JAG2: variants seen among roughly 807,000 people sequenced by gnomAD.
The protein encoded by JAG2 is protein jagged-2.
JAG2 carries 46 observed loss-of-function variants against 141.7 expected under a neutral mutation model. The observed-to-expected ratio is 0.32, with a 90% CI of 0.26 to 0.42. The LOEUF (loss-of-function observed/expected upper bound fraction) is 0.42. Ranked by LOEUF, JAG2 falls within the 10% of genes least tolerant of loss-of-function variation. JAG2 has a pLI of 1.00. For synonymous variants in JAG2, 862 were observed against 763.5 expected, an observed-to-expected ratio of 1.13 and a Z score of -2.13; for missense variants, 1,500 against 1,817.5, an observed-to-expected ratio of 0.83 and a Z score of 3.18.
Position 105,142,930 on chromosome 14 carries a change from G to A in JAG2, c.3482C>T (p.Ala1161Val), listed in dbSNP as rs778692204. 5.0e-5 allele frequency: 80 copies of A among 1,608,278 alleles called. No individual in the cohort carries two copies. Among genetic ancestry groups the A allele is most frequent in the Middle Eastern group, 3.3e-4 (2 of 6,068 alleles). The change falls in exon 26 of 26, where the codon GCG becomes GTG. Residue 1161 changes from alanine to valine, a missense_variant. This residue lies in a region of JAG2 where 425 missense variants were observed against 441.0 expected (regional missense o/e 0.96). Coordinates refer to ENST00000331782, the MANE Select transcript of JAG2 (RefSeq NM_002226.5). ...GGCCGGCCCGGGCAGCGCCTCGTCCGCCCTGCGCGGCGGCGGCGTGAAGTT... is the reference window on the plus strand; with the variant it reads ...GGCCGGCCCGGGCAGCGCCTCGTCCACCCTGCGCGGCGGCGGCGTGAAGTT... ...CKNFTPPPRRADEALPGPAGH... is the reference protein window; with the variant it reads ...CKNFTPPPRRVDEALPGPAGH...
chr14:105,143,562 G>C lies in JAG2; in HGVS notation c.3161C>G (p.Thr1054Ser). The C allele has an allele frequency of 6.2e-7, 1 of 1,601,874 alleles. No individual in the cohort carries two copies. The change falls in exon 25 of 26, where the codon ACC (threonine) becomes AGC (serine). Residue 1054 changes from threonine to serine, a missense_variant. By Grantham distance (58) the Thr-to-Ser change is moderately conservative. Transcript: ENST00000331782. ...GAGCAGTGAGCTGTTCCCCCGCTGG[G>C]TGATGGCGGCCACGATGGCGTGGGC... ...GAAHAIVAAI[T>S]QRGNSSLLLA...
rs1325666416 is a variant in JAG2 at position 105,168,391 on chromosome 14, G to A, written c.30C>T (p.Pro10=). Reference sequence around the variant, plus strand: ...GCGCCAGCAGCAGCAGCAGCCGCCGGGGAAGGCGCCCCCGGCCCTGCGCCC... The same window carrying A: ...GCGCCAGCAGCAGCAGCAGCCGCCGAGGAAGGCGCCCCCGGCCCTGCGCCC... MRAQGRGRL[P]RRLLLLLALW... The change falls in exon 1 of 26, where the codon CCC becomes CCT. Residue 10 remains proline, a synonymous_variant. Transcript: ENST00000331782. The A allele has an allele frequency of 1.9e-6, 2 of 1,025,722 alleles. No homozygotes were observed. Among genetic ancestry groups the A allele is most frequent in the South Asian group, 2.5e-5 (1 of 39,744 alleles). The allele number at this position is 1,025,722 out of a possible 1,614,324, so 63.5% of individuals were successfully genotyped here.
At chr14:105,145,131 G>A (rs1191191436) in intron 23 of JAG2, 70 bp from the exon 24 acceptor site, 38 of 1,588,240 alleles carry the variant, frequency 2.4e-5, no homozygotes, top group Non-Finnish European at 2.8e-5. Flanking sequence ...CTGGACTGGC[G>A]CTGTGGGTAC....
At position 105,149,287 on chromosome 14, in the gene JAG2, G is replaced by T. The variant is rs755170630; in HGVS notation, c.1636C>A (p.Arg546=). 1.0e-4 allele frequency: 163 copies of T among 1,612,582 alleles called. No individual in the cohort carries two copies. The highest frequency in any genetic ancestry group is 1.3e-4 in the Non-Finnish European group (157 of 1,179,984). Residue 546 remains arginine (R), a synonymous_variant, in exon 13 of 26, where the codon CGG becomes AGG. Transcript: ENST00000331782. ...AGGTTATAGCAGCGAGCGCCGTTCC[G>T]GCAGGGGCTTGGCTCACAAAGGTCG... ...DVDLCEPSPC[R]NGARCYNLEG... is the part of the protein sequence containing the mutation.
intron 2 of JAG2, among the ~76,000 whole-genome samples, chr14:105,163,286 TCTGGGCCCCAGGGCC>T (rs990193564): frequency 6.6e-6 from 1 of 152,120 alleles, no homozygotes; most frequent in Non-Finnish European, 1.5e-5. Context: ...TCCCCAGGGC[TCTGGGCCCCAGGGCC>T]GCAGCAGGAG....
At chr14:105,164,950 G>A (rs192472121) in intron 2 of JAG2, among the ~76,000 whole-genome samples, 92 of 152,278 alleles carry the variant, frequency 6.0e-4, no homozygotes, top group Non-Finnish European at 1.0e-3. Flanking sequence ...TGTATCTACA[G>A]GGCCTTCACC....
chr14:105,163,434 C>A (rs1401379935), intron 2 of JAG2, among the ~76,000 whole-genome samples: 1 of 152,168 alleles, frequency 6.6e-6, no homozygotes, highest in Non-Finnish European at 1.5e-5. Context: ...TCCCAGGTCC[C>A]CCACCGTGAA....
intron 3 of JAG2, 106 bp downstream of exon 3, chr14:105,157,600 C>A: frequency 9.0e-7 from 1 of 1,105,622 alleles, no homozygotes; most frequent in South Asian, 1.3e-5. Context: ...CACACATGAT[C>A]CTCAGGGTAA....
chr14:105,155,649 C>T (rs1888557879), intron 4 of JAG2, 27 bp from the exon 5 acceptor site: 2 of 1,612,326 alleles, frequency 1.2e-6, no homozygotes, highest in Non-Finnish European at 1.7e-6. Context: ...GCGAGAGGCA[C>T]AGCTGCAGCC....
At chr14:105,143,444 G>T (rs1595170946) in intron 25 of JAG2, 38 bp downstream of exon 25, 19 of 1,538,318 alleles carry the variant, frequency 1.2e-5, no homozygotes, top group Non-Finnish European at 1.7e-5. Context: ...TGAGTTGCCT[G>T]CCTGGTGCCT....
Position 105,151,947 on chromosome 14 carries a change from A to G in JAG2, c.1030T>C (p.Cys344Arg). ...TCPDGYSGRN[C>R]EKAEHACTSN... is the part of the protein sequence containing the mutation. ...CCAGCCCCCCACGTACCCTTCTCACAGTTCCTGCCCGAGTAGCCGTCAGGG... is the reference window on the plus strand; with the variant it reads ...CCAGCCCCCCACGTACCCTTCTCACGGTTCCTGCCCGAGTAGCCGTCAGGG... Residue 344 changes from cysteine (C) to arginine (R), a missense_variant, in exon 7 of 26, where the codon TGT becomes CGT. Coordinates refer to ENST00000331782, the MANE Select transcript of JAG2 (RefSeq NM_002226.5). 6.2e-7 allele frequency: 1 copy of G among 1,613,084 alleles called. No individual in the cohort carries two copies. Among genetic ancestry groups the G allele is most frequent in the Non-Finnish European group, 8.5e-7 (1 of 1,179,998 alleles).
chr14:105,148,058 G>A (rs917291269), intron 17 of JAG2, 58 bp downstream of exon 17: 2 of 1,404,680 alleles, frequency 1.4e-6, no homozygotes, highest in Admixed American at 2.0e-5. Flanking sequence ...GCGCCCGAGG[G>A]AGCGGTGCCT....
chr14:105,144,991 C>T lies in JAG2; in HGVS notation c.3023G>A (p.Arg1008His), dbSNP rs141025821. 458 of 1,608,964 alleles carry T rather than the reference C, an allele frequency of 2.8e-4. 1 individual carries two copies. Among genetic ancestry groups the T allele is most frequent in the Non-Finnish European group, 3.4e-4 (398 of 1,179,582 alleles). Reference protein sequence around the residue: ...LPATRAVARDRLLVLLCDRAS... With the variant: ...LPATRAVARDHLLVLLCDRAS... ...CCGGTCGCAAAGCAACACCAGCAGGCGGTCCCGTGCCACAGCCCTTGTGGC... is the reference window on the plus strand; with the variant it reads ...CCGGTCGCAAAGCAACACCAGCAGGTGGTCCCGTGCCACAGCCCTTGTGGC... Residue 1008 changes from arginine (R) to histidine (H), a missense_variant, in exon 24 of 26, where the codon CGC becomes CAC. Coordinates refer to ENST00000331782, the MANE Select transcript of JAG2 (RefSeq NM_002226.5).
At chr14:105,148,686 G>A (rs1032082909) in intron 15 of JAG2, 59 bp downstream of exon 15, 14 of 1,411,250 alleles carry the variant, frequency 9.9e-6, no homozygotes, top group African/African-American at 1.4e-5. Flanking sequence ...ATCTCAGGGT[G>A]ATAAGGGGCC....
intron 17 of JAG2, 35 bp from the exon 18 acceptor site, chr14:105,147,923 T>C (rs774668698): frequency 8.0e-6 from 12 of 1,492,510 alleles, no homozygotes; most frequent in Admixed American, 2.0e-5. Context: ...GCGTCTCACC[T>C]GGCCCTGGGC....
intron 2 of JAG2, among the ~76,000 whole-genome samples, chr14:105,165,266 T>A (rs1427345279): frequency 6.6e-6 from 1 of 151,968 alleles, no homozygotes; most frequent in African/African-American, 2.4e-5. Context: ...AGAGCAAAGC[T>A]CCCTGCTGCC....
chr14:105,147,595 C>T, intron 18 of JAG2, 68 bp from the exon 19 acceptor site: 1 of 1,528,286 alleles, frequency 6.5e-7, no homozygotes, highest in Non-Finnish European at 9.1e-7. Context: ...ACTGTCCAGG[C>T]TGGCTTGGCG....
intron 3 of JAG2, among the ~76,000 whole-genome samples, chr14:105,156,801 C>T (rs1181781383): frequency 1.3e-5 from 2 of 152,154 alleles, no homozygotes; most frequent in Non-Finnish European, 2.9e-5. Flanking sequence ...TTGTCAAGAG[C>T]CCTGACGACC....
In JAG2 at chr14:105,151,350, A is replaced by G. The variant is rs2140979904; in HGVS notation, c.1200T>C (p.Cys400=). 6.2e-7 allele frequency: 1 copy of G among 1,612,442 alleles called. No individual in the cohort carries two copies. The highest frequency in any genetic ancestry group is 1.3e-5 in the African/African-American group (1 of 75,002). The change falls in exon 9 of 26, where the codon TGT becomes TGC. Residue 400 remains cysteine, a synonymous_variant. Transcript: ENST00000331782. ...ACTCAAAGCCGTCCACCTGGTCCAC[A>G]CAGGTGCCACCGGCCGCACACGGGT... ...ASNPCAAGGT[C]VDQVDGFECI...
Sources: allele counts gnomAD v4.1 joint callset (sites outside exome capture counted in the v4.1 genomes callset), GRCh38; gene constraint gnomAD v4.1.1; regional missense constraint gnomAD v4.1.1; transcripts MANE v1.5; gene names NCBI Gene and HGNC (gene_info 2026-07-23, HGNC 2026-07-21).